Variants in ETFA observed in about 807,000 individuals in gnomAD.
ETFA encodes the protein electron transfer flavoprotein subunit alpha, mitochondrial.
In ETFA, 22 loss-of-function variants were observed where a neutral mutation model predicts 46.2. That is an observed-to-expected ratio of 0.48 (90% CI 0.34 to 0.68). The LOEUF is 0.68. Among genes scored for constraint, ETFA ranks in the 30% least tolerant of loss-of-function variants. ETFA has a pLI of 0.01. For synonymous variants in ETFA, 131 were observed against 139.9 expected, an observed-to-expected ratio of 0.94 and a Z score of 0.45; for missense variants, 345 against 401.1, an observed-to-expected ratio of 0.86 and a Z score of 1.19.
intron 1 of ETFA, among the ~76,000 whole-genome samples, chr15:76,299,380 C>T (rs1211718922): frequency 6.6e-6 from 1 of 152,206 alleles, no homozygotes; most frequent in Admixed American, 6.5e-5. Flanking sequence ...ACCTCCCAGG[C>T]TCAAGCGTTC....
intron 9 of ETFA, among the ~76,000 whole-genome samples, chr15:76,250,734 G>T (rs1041647364): frequency 6.0e-5 from 9 of 150,984 alleles, no homozygotes; most frequent in African/African-American, 2.2e-4. Flanking sequence ...AGGAGGTCTC[G>T]CTATGTTGCC....
chr15:76,263,853 G>C (rs529764965), intron 9 of ETFA, among the ~76,000 whole-genome samples: 3 of 152,078 alleles, frequency 2.0e-5, no homozygotes, highest in Non-Finnish European at 4.4e-5. Flanking sequence ...AGAAAAGAAA[G>C]GAAAACTAAA....
intron 9 of ETFA, among the ~76,000 whole-genome samples, chr15:76,265,216 A>C (rs1026812269): frequency 6.6e-6 from 1 of 152,188 alleles, no homozygotes; most frequent in Non-Finnish European, 1.5e-5. Context: ...TGGAAGTTCT[A>C]GTCTAAATTT....
At chr15:76,234,019 T>C (rs765319494) in intron 9 of ETFA, among the ~76,000 whole-genome samples, 2 of 152,206 alleles carry the variant, frequency 1.3e-5, no homozygotes, top group African/African-American at 2.4e-5. Flanking sequence ...TTCCATTGAC[T>C]TTAACCATAA....
chr15:76,254,310 A>C (rs2039329203), intron 9 of ETFA, among the ~76,000 whole-genome samples: 1 of 152,152 alleles, frequency 6.6e-6, no homozygotes, highest in African/African-American at 2.4e-5. Context: ...ACTCTGGCTG[A>C]CCCCCGCATT....
intron 7 of ETFA, among the ~76,000 whole-genome samples, chr15:76,284,637 T>C (rs1458690713): frequency 6.6e-6 from 1 of 151,598 alleles, no homozygotes; most frequent in Non-Finnish European, 1.5e-5. Flanking sequence ...ACTACTGGCA[T>C]CCACCACCAT....
At chr15:76,284,889 C>T in intron 7 of ETFA, 1 of 381,794 alleles carries the variant, frequency 2.6e-6, no homozygotes, top group Non-Finnish European at 5.1e-6. Context: ...GAGATTGTGC[C>T]ATTGCACTCC....
chr15:76,310,838 G>T (rs2039989729), intron 1 of ETFA, among the ~76,000 whole-genome samples: 1 of 150,922 alleles, frequency 6.6e-6, no homozygotes, highest in Non-Finnish European at 1.5e-5. Context: ...TGGCCACGCA[G>T]CCTCCCACCC....
At chr15:76,288,935 T>TTTTTTG (rs2039729690) in intron 4 of ETFA, among the ~76,000 whole-genome samples, 1 of 148,548 alleles carries the variant, frequency 6.7e-6, no homozygotes. Flanking sequence ...TTTTTTTTTT[T>TTTTTTG]GGAAACAGGG....
chr15:76,219,758 C>T (rs111265624), intron 11 of ETFA, among the ~76,000 whole-genome samples: 93 of 152,210 alleles, frequency 6.1e-4, no homozygotes, highest in African/African-American at 1.9e-3. Context: ...ATTAGGAAAA[C>T]GCAAATCAAA....
intron 9 of ETFA, among the ~76,000 whole-genome samples, chr15:76,252,288 C>T (rs2039306471): frequency 6.6e-6 from 1 of 152,192 alleles, no homozygotes; most frequent in East Asian, 1.9e-4. Flanking sequence ...CACAGGTAAA[C>T]TTATTGTACA....
At chr15:76,234,790 C>A (rs1427274519) in intron 9 of ETFA, among the ~76,000 whole-genome samples, 3 of 152,160 alleles carry the variant, frequency 2.0e-5, no homozygotes. Context: ...AGAGCTTATT[C>A]TGAAATATAG....
chr15:76,308,447 C>T (rs978458261), intron 1 of ETFA, among the ~76,000 whole-genome samples: 1 of 152,164 alleles, frequency 6.6e-6, no homozygotes, highest in Non-Finnish European at 1.5e-5. Context: ...TAAGTACCTG[C>T]TAATATGATG....
intron 8 of ETFA, among the ~76,000 whole-genome samples, chr15:76,277,650 G>A (rs148422068): frequency 6.6e-6 from 1 of 152,100 alleles, no homozygotes; most frequent in Non-Finnish European, 1.5e-5. Context: ...CTACAGGTGC[G>A]TGCTGCCACG....
intron 9 of ETFA, among the ~76,000 whole-genome samples, chr15:76,248,001 T>A (rs772506390): frequency 6.6e-6 from 1 of 152,214 alleles, no homozygotes; most frequent in African/African-American, 2.4e-5. Flanking sequence ...ATAGTCTACA[T>A]CTGGATAATG....
intron 5 of ETFA, among the ~76,000 whole-genome samples, chr15:76,286,973 G>A (rs1049459152): frequency 7.9e-5 from 12 of 152,320 alleles, no homozygotes; most frequent in African/African-American, 2.6e-4. Flanking sequence ...CACATTAACA[G>A]TAACCTAAAC....
chr15:76,289,748 C>A (rs185129746), intron 4 of ETFA, among the ~76,000 whole-genome samples: 61 of 152,304 alleles, frequency 4.0e-4, no homozygotes, highest in African/African-American at 1.4e-3. Flanking sequence ...GACTATCATA[C>A]AGCAAATTGT....
At chr15:76,250,236 G>A (rs1227805432) in intron 9 of ETFA, among the ~76,000 whole-genome samples, 1 of 151,168 alleles carries the variant, frequency 6.6e-6, no homozygotes, top group Non-Finnish European at 1.5e-5. Flanking sequence ...AAAAGATAAA[G>A]AACATATATA....
intron 9 of ETFA, among the ~76,000 whole-genome samples, chr15:76,258,611 T>C (rs1373001961): frequency 2.6e-5 from 4 of 152,200 alleles, no homozygotes; most frequent in Non-Finnish European, 5.9e-5. Context: ...TGCATGCACT[T>C]AAGCAGCAGG....
Sources: gnomAD v4.1 joint callset for allele counts (sites outside exome capture counted in the v4.1 genomes callset) on GRCh38, gnomAD v4.1.1 for gene constraint, MANE v1.5 for transcripts, NCBI Gene and HGNC (gene_info 2026-07-23, HGNC 2026-07-21) for gene names.